PTPRO: variants seen among roughly 807,000 people sequenced by gnomAD.
PTPRO encodes protein tyrosine phosphatase receptor type O, also known as receptor-type tyrosine-protein phosphatase O.
PTPRO carries 62 observed loss-of-function variants against 145.2 expected under a neutral mutation model. The observed-to-expected ratio is 0.43, with a 90% CI of 0.35 to 0.53. The LOEUF is 0.53. PTPRO is among the 20% of genes least tolerant of loss of function. PTPRO has a pLI of 0.01. For synonymous variants in PTPRO, 565 were observed against 514.7 expected (o/e 1.10, Z -1.32); for missense variants, 1,345 against 1,482.7 (o/e 0.91, Z 1.53).
rs577670675 is a variant in PTPRO, at chr12:15,533,987, T to C, written c.2164+7725T>C. On this transcript the variant is annotated intron_variant, in intron 12 of 26. Transcript: ENST00000281171. The stretch of plus-strand genomic sequence containing the variant: ...TCATATAAATTAATCTAATGTGTCA[T>C]GTGCAAGGGTAGAGAGCCCTCAAAC... Among the ~76,000 whole-genome samples, 4 of 152,276 alleles carry C rather than the reference T, an allele frequency of 2.6e-5. No individual in the cohort carries two copies. In the East Asian group the frequency reaches 7.7e-4, roughly 29 times the overall value.
intron 1 of PTPRO, among the ~76,000 whole-genome samples, chr12:15,340,423 G>T (rs2136214695): frequency 6.6e-6 from 1 of 152,260 alleles, no homozygotes; most frequent in Admixed American, 6.5e-5. Context: ...ATGGGGTAGG[G>T]ATCACTCCTG....
At chr12:15,459,135 C>G (rs1449390446) in intron 1 of PTPRO, among the ~76,000 whole-genome samples, 1 of 152,190 alleles carries the variant, frequency 6.6e-6, no homozygotes, top group African/African-American at 2.4e-5. Flanking sequence ...GCCAGTTCCT[C>G]AGGCAATCCC....
Position 15,383,285 on chromosome 12 carries a change from C to G in PTPRO, c.75+60484C>G, listed in dbSNP as rs113358345. Among the ~76,000 whole-genome samples, 284 of 152,320 alleles carry G rather than the reference C, an allele frequency of 1.9e-3. 2 individuals carry two copies. The highest frequency in any genetic ancestry group is 6.6e-3 in the African/African-American group (276 of 41,570). ...TCCTCCATATCTATCCATGTTGTCACAAATGGCAGAACTTTCTTCTTTTTT... is the reference window on the plus strand; with the variant it reads ...TCCTCCATATCTATCCATGTTGTCAGAAATGGCAGAACTTTCTTCTTTTTT... On this transcript the variant is annotated intron_variant, in intron 1 of 26. Coordinates refer to ENST00000281171, the MANE Select transcript of PTPRO (RefSeq NM_030667.3).
chr12:15,495,255 C>T (rs1204781648), intron 2 of PTPRO, among the ~76,000 whole-genome samples: 2 of 151,226 alleles, frequency 1.3e-5, no homozygotes, highest in African/African-American at 4.9e-5. Flanking sequence ...TGCTGTTTTT[C>T]AGAAAACTCC....
intron 12 of PTPRO, among the ~76,000 whole-genome samples, chr12:15,531,048 C>G (rs1393023201): frequency 6.6e-6 from 1 of 151,816 alleles, no homozygotes; most frequent in African/African-American, 2.4e-5. Context: ...AATAAGAGAC[C>G]TCATAAATAC....
chr12:15,493,044 C>A (rs1294887523), intron 2 of PTPRO, among the ~76,000 whole-genome samples: 1 of 152,040 alleles, frequency 6.6e-6, no homozygotes, highest in South Asian at 2.1e-4. Flanking sequence ...TATTATATAT[C>A]ATCAGATTAC....
At chr12:15,445,313 A>G (rs1235775854) in intron 1 of PTPRO, among the ~76,000 whole-genome samples, 1 of 152,108 alleles carries the variant, frequency 6.6e-6, no homozygotes, top group Non-Finnish European at 1.5e-5. Flanking sequence ...GAAATGGATT[A>G]CTATTTTAAA....
At chr12:15,500,534 G>A (rs1043328045) in intron 4 of PTPRO, among the ~76,000 whole-genome samples, 6 of 152,096 alleles carry the variant, frequency 3.9e-5, no homozygotes, top group African/African-American at 1.2e-4. Flanking sequence ...CATAATACAC[G>A]AATGGCACTA....
intron 1 of PTPRO, among the ~76,000 whole-genome samples, chr12:15,393,101 T>C (rs1218305821): frequency 6.6e-6 from 1 of 152,242 alleles, no homozygotes; most frequent in Non-Finnish European, 1.5e-5. Context: ...CATGTTTTCT[T>C]GCATGCAGAG....
intron 25 of PTPRO, among the ~76,000 whole-genome samples, chr12:15,591,867 A>G (rs1157109851): frequency 6.6e-6 from 1 of 152,008 alleles, no homozygotes; most frequent in African/African-American, 2.4e-5. Flanking sequence ...GTCTCAAAAA[A>G]AAAACCCCAT....
chr12:15,343,530 A>C (rs1181742282), intron 1 of PTPRO, among the ~76,000 whole-genome samples: 1 of 152,066 alleles, frequency 6.6e-6, no homozygotes. Context: ...TCTACAAAAA[A>C]TTTCAAAATT....
At chr12:15,548,192 T>A (rs1288025690) in intron 13 of PTPRO, among the ~76,000 whole-genome samples, 1 of 143,038 alleles carries the variant, frequency 7.0e-6, no homozygotes, top group Non-Finnish European at 1.5e-5. Flanking sequence ...TTCAGCAACC[T>A]CACTTACGGT....
At chr12:15,464,510 AC>A (rs1048417776) in intron 1 of PTPRO, among the ~76,000 whole-genome samples, 1 of 141,844 alleles carries the variant, frequency 7.1e-6, no homozygotes. Context: ...ACATGCCACC[AC>A]GCCCAGCTAA....
intron 1 of PTPRO, among the ~76,000 whole-genome samples, chr12:15,367,836 G>A (rs1235081932): frequency 6.6e-6 from 1 of 152,142 alleles, no homozygotes; most frequent in Non-Finnish European, 1.5e-5. Flanking sequence ...CTGACGGGCT[G>A]TTGTTGGGAT....
chr12:15,498,381 A>G (rs983486101), intron 3 of PTPRO, among the ~76,000 whole-genome samples: 1 of 152,016 alleles, frequency 6.6e-6, no homozygotes, highest in Non-Finnish European at 1.5e-5. Flanking sequence ...ATGGTGAAAC[A>G]CCGTCTCTAC....
chr12:15,471,241 T>A (rs561110519), intron 1 of PTPRO, among the ~76,000 whole-genome samples: 1 of 152,018 alleles, frequency 6.6e-6, no homozygotes, highest in East Asian at 1.9e-4. Flanking sequence ...ATAAGCAGAT[T>A]TGGTGTCGCA....
intron 1 of PTPRO, among the ~76,000 whole-genome samples, chr12:15,445,858 A>T (rs1940888090): frequency 6.6e-6 from 1 of 152,160 alleles, no homozygotes; most frequent in South Asian, 2.1e-4. Context: ...CATGTCTGGA[A>T]CAAAACTCAG....
At chr12:15,438,913 A>T (rs576493710) in intron 1 of PTPRO, among the ~76,000 whole-genome samples, 6 of 152,342 alleles carry the variant, frequency 3.9e-5, no homozygotes, top group African/African-American at 1.4e-4. Context: ...CAAACCATGT[A>T]GTCACCAGAT....
chr12:15,375,761 A>G (rs1842183), intron 1 of PTPRO, among the ~76,000 whole-genome samples: 4 of 75,712 alleles, frequency 5.3e-5, no homozygotes, highest in Non-Finnish European at 1.1e-4. Context: ...GTCCCCCACC[A>G]AAAAAAAAAA....
Sources: allele counts gnomAD v4.1 joint callset (sites outside exome capture counted in the v4.1 genomes callset), GRCh38; gene constraint gnomAD v4.1.1; transcripts MANE v1.5; gene names NCBI Gene and HGNC (gene_info 2026-07-23, HGNC 2026-07-21).